Variants in POMT2 observed in about 807,000 individuals in gnomAD.
POMT2 encodes the protein protein O-mannosyl-transferase 2.
A neutral mutation model predicts 100.0 loss-of-function variants in POMT2; 75 were observed. That is an observed-to-expected ratio of 0.75 (90% CI 0.62 to 0.91). The LOEUF is 0.91. Ranked by LOEUF, POMT2 falls within the 40% of genes least tolerant of loss-of-function variation. POMT2 has a pLI of 0.00. For missense variants in POMT2, 940 were observed against 955.1 expected (o/e 0.98, Z 0.21); for synonymous variants, 378 against 374.1 (o/e 1.01, Z -0.12).
intron 6 of POMT2, 109 bp from the exon 7 acceptor site, chr14:77,299,670 A>C (rs1312964524): frequency 1.1e-6 from 1 of 873,912 alleles, no homozygotes; most frequent in African/African-American, 1.7e-5. Context: ...TAATCATAAA[A>C]AATGGCCAAG....
intron 8 of POMT2, among the ~76,000 whole-genome samples, 180 bp downstream of exon 8, chr14:77,298,509 T>A (rs1278339865): frequency 2.0e-5 from 3 of 152,202 alleles, no homozygotes; most frequent in Non-Finnish European, 4.4e-5. Flanking sequence ...CTGCTCAGGA[T>A]GTCTTCCTCT....
chr14:77,295,980 A>C (rs936207492), intron 9 of POMT2, among the ~76,000 whole-genome samples, 184 bp downstream of exon 9: 4 of 152,138 alleles, frequency 2.6e-5, no homozygotes, highest in African/African-American at 9.7e-5. Flanking sequence ...CATGGTTGTC[A>C]CTAAAGAACA....
intron 10 of POMT2, among the ~76,000 whole-genome samples, chr14:77,289,463 G>T (rs1418520862): frequency 1.4e-5 from 2 of 141,612 alleles, no homozygotes; most frequent in Non-Finnish European, 3.1e-5. Flanking sequence ...TGGGTGGGGT[G>T]GGGGAGAGTG....
chr14:77,280,285 A>AGG, intron 16 of POMT2, 107 bp downstream of exon 16: 1 of 1,573,586 alleles, frequency 6.4e-7, no homozygotes, highest in Non-Finnish European at 8.6e-7. Context: ...CCATCCCAGG[A>AGG]GGCCCCTCGC....
chr14:77,294,755 A>G (rs1025851814), intron 9 of POMT2, among the ~76,000 whole-genome samples: 4 of 152,226 alleles, frequency 2.6e-5, no homozygotes, highest in African/African-American at 4.8e-5. Flanking sequence ...TTTAAGTCCA[A>G]TTAAATCTCT....
chr14:77,285,143 C>T (rs1179754470), intron 13 of POMT2, 102 bp from the exon 14 acceptor site: 2 of 1,025,044 alleles, frequency 2.0e-6, no homozygotes, highest in South Asian at 1.4e-5. Flanking sequence ...TTCTCTTTTC[C>T]ACATGGTGGC....
In POMT2 at chr14:77,291,320, T is replaced by C. The variant is rs762246796; in HGVS notation, c.1177A>G (p.Asn393Asp). The C allele has an allele frequency of 4.4e-6, 7 of 1,602,286 alleles. No homozygotes were observed. In the South Asian group the frequency reaches 7.7e-5, roughly 18 times the overall value. Residue 393 changes from asparagine to aspartate, a missense_variant, in exon 10 of 21, where the codon AAC (asparagine) becomes GAC (aspartate). Physicochemically the swap from Asn to Asp is conservative, Grantham distance 23. Coordinates refer to ENST00000261534, the MANE Select transcript of POMT2 (RefSeq NM_013382.7). ...NLWIIKKHNT[N>D]SDPLDPSFPV... ...CAGTCTCTGACCACATTACCTGAGT[T>C]TGTGTTATGTTTCTTGATAATCCAC...
intron 12 of POMT2, 121 bp downstream of exon 12, chr14:77,286,623 C>T (rs1457928561): frequency 8.4e-6 from 12 of 1,421,744 alleles, no homozygotes; most frequent in Non-Finnish European, 1.2e-5. Flanking sequence ...AAGAGAGTCC[C>T]TGTGCAGCCT....
At chr14:77,302,319 T>TTCA (rs1234090946) in intron 5 of POMT2, among the ~76,000 whole-genome samples, 4 of 152,240 alleles carry the variant, frequency 2.6e-5, no homozygotes, top group African/African-American at 9.6e-5. Flanking sequence ...GTATGGACCA[T>TTCA]TCAAGCCAAC....
chr14:77,316,005 T>C (rs1678744023), intron 1 of POMT2, among the ~76,000 whole-genome samples: 1 of 151,874 alleles, frequency 6.6e-6, no homozygotes, highest in Admixed American at 6.6e-5. Flanking sequence ...AGCGAGAATC[T>C]CAAAAAACAA....
chr14:77,292,168 T>C (rs1322454433), intron 9 of POMT2, among the ~76,000 whole-genome samples: 3 of 152,208 alleles, frequency 2.0e-5, no homozygotes, highest in Non-Finnish European at 4.4e-5. Flanking sequence ...TCACGTTTTA[T>C]ACAAAAAATC....
At chr14:77,277,539 T>TTTGAA in intron 20 of POMT2, 58 bp from the exon 21 acceptor site, 1 of 1,300,176 alleles carries the variant, frequency 7.7e-7, no homozygotes, top group Non-Finnish European at 1.1e-6. Context: ...GCTGAGGGGC[T>TTTGAA]TTGAATTCCA....
chr14:77,311,046 T>C lies in POMT2; in HGVS notation c.333+903A>G, dbSNP rs140926189. Among the ~76,000 whole-genome samples the C allele has an allele frequency of 4.4e-3, 669 of 152,298 alleles. 4 individuals are homozygous for C. Among genetic ancestry groups the C allele is most frequent in the Middle Eastern group, 6.8e-3 (2 of 294 alleles). Reference sequence around the variant, plus strand: ...TACTTGGGAGGCTGAAGCAAGAGAATCACTTAAACTTGGGAAGCAGAAGTT... The same window carrying C: ...TACTTGGGAGGCTGAAGCAAGAGAACCACTTAAACTTGGGAAGCAGAAGTT... On this transcript the variant is annotated intron_variant, in intron 2 of 20. Transcript: ENST00000261534.
intron 1 of POMT2, among the ~76,000 whole-genome samples, chr14:77,313,619 G>A (rs1891519071): frequency 6.6e-6 from 1 of 152,208 alleles, no homozygotes; most frequent in Non-Finnish European, 1.5e-5. Flanking sequence ...TCCTTAAACT[G>A]TCCTGACATT....
In POMT2 at chr14:77,277,117, C is replaced by T. The variant is rs1434095464; in HGVS notation, c.*259G>A. The stretch of plus-strand genomic sequence containing the variant: ...CCACTCCCACCCTCTGGCACCCATC[C>T]TCCCCTGCGCTGTGCACGAGGGAGC... On this transcript the variant is annotated 3_prime_UTR_variant, in exon 21 of 21. Transcript: ENST00000261534. 1.9e-6 allele frequency: 1 copy of T among 521,802 alleles called. No individual in the cohort carries two copies. Among genetic ancestry groups the T allele is most frequent in the Admixed American group, 3.2e-5 (1 of 31,680 alleles). 32.3% of individuals were successfully genotyped at this position (521,802 alleles called of 1,614,324 possible).
At position 77,275,088 on chromosome 14, in the gene POMT2, G is replaced by A. The variant is rs1889885877; in HGVS notation, c.*2288C>T. 6.6e-6 allele frequency: 1 copy of A among 152,186 alleles called. No homozygotes were observed. The highest frequency in any genetic ancestry group is 6.5e-5 in the Admixed American group (1 of 15,284). 9.4% of individuals were successfully genotyped at this position (152,186 alleles called of 1,614,324 possible). On this transcript the variant is annotated 3_prime_UTR_variant, in exon 21 of 21. Coordinates refer to ENST00000261534, the MANE Select transcript of POMT2 (RefSeq NM_013382.7). ...CGAACATCTTCTTCCTCCACCAGCA[G>A]TTTGTGGGACACATCACGTTTCTGC...
rs891872075 is a variant in POMT2 at position 77,276,930 on chromosome 14, G to A, written c.*446C>T. 1 of 181,446 alleles carries A rather than the reference G, an allele frequency of 5.5e-6. No homozygotes were observed. Among genetic ancestry groups the A allele is most frequent in the Non-Finnish European group, 1.2e-5 (1 of 83,954 alleles). 11.2% of individuals were successfully genotyped at this position (181,446 alleles called of 1,614,324 possible). A position where few individuals can be genotyped will look rare whatever the true frequency, so the allele number is the denominator to read the frequency against. ...CTCAGAGGTCTGAGAATTTTTGATG[G>A]ATCTTACAAACCAAAACCAAAGAAA... is the stretch of plus-strand genomic sequence containing the variant. On this transcript the variant is annotated 3_prime_UTR_variant, in exon 21 of 21. Transcript: ENST00000261534.
chr14:77,295,758 A>G (rs1317356926), intron 9 of POMT2, among the ~76,000 whole-genome samples: 1 of 152,118 alleles, frequency 6.6e-6, no homozygotes, highest in African/African-American at 2.4e-5. Context: ...GTCTGTGTTC[A>G]TAAATACCAC....
At position 77,296,254 on chromosome 14, in the gene POMT2, C is replaced by G; in HGVS notation, c.1026G>C (p.Val342=). The change falls in exon 9 of 21, where the codon GTG becomes GTC. Residue 342 remains valine (V), a synonymous_variant. Transcript: ENST00000261534. ...CCATCCGGAGGTTCTTCACAGTGAT[C>G]ACAGAGCCGTAGGCCAGGTCTGGGA... The part of the protein sequence containing the change: ...SIPEHLAYGS[V]ITVKNLRMAI... 2 of 1,604,848 alleles carry G rather than the reference C, an allele frequency of 1.2e-6. No homozygotes were observed. Among genetic ancestry groups the G allele is most frequent in the Non-Finnish European group, 1.7e-6 (2 of 1,176,248 alleles).
Sources: allele counts gnomAD v4.1 joint callset (sites outside exome capture counted in the v4.1 genomes callset), GRCh38; gene constraint gnomAD v4.1.1; transcripts MANE v1.5; gene names NCBI Gene and HGNC (gene_info 2026-07-23, HGNC 2026-07-21).